Variants in BRINP1 observed in about 807,000 individuals in gnomAD.
BRINP1 encodes BMP/retinoic acid inducible neural specific 1.
BRINP1 carries 17 observed loss-of-function variants against 72.9 expected under a neutral mutation model. That is an observed-to-expected ratio of 0.23 (90% CI 0.16 to 0.35). BRINP1 has a LOEUF of 0.35. Among genes scored for constraint, BRINP1 ranks in the 10% least tolerant of loss-of-function variants. BRINP1 has a pLI of 1.00. For missense variants in BRINP1, 850 were observed against 1,001.6 expected, an observed-to-expected ratio of 0.85 and a Z score of 2.04; for synonymous variants, 418 against 378.5, an observed-to-expected ratio of 1.10 and a Z score of -1.21.
At chr9:119,338,798 T>C (rs1241218440) in intron 1 of BRINP1, among the ~76,000 whole-genome samples, 1 of 149,482 alleles carries the variant, frequency 6.7e-6, no homozygotes, top group Admixed American at 6.6e-5. Flanking sequence ...GGCAAGAGAA[T>C]GGTGCGAACC....
rs1830125186 is a variant in BRINP1 at position 119,229,315 on chromosome 9, T to G, written c.685+9340A>C. Among the ~76,000 whole-genome samples the G allele has an allele frequency of 1.3e-5, 2 of 152,094 alleles. 1 individual carries two copies. The highest frequency in any genetic ancestry group is 4.1e-4 in the South Asian group (2 of 4,826). On this transcript the variant is annotated intron_variant, in intron 5 of 7. Transcript: ENST00000265922. ...AGAGGTGGTAAAAATAATACCTAAC[T>G]TTTTTTAATGCTTAATCTAAGCCAG...
chr9:119,218,746 A>ATT (rs10685419), intron 5 of BRINP1, among the ~76,000 whole-genome samples: 5,451 of 133,336 alleles, frequency 0.041, 394 homozygotes, highest in African/African-American at 0.14. Flanking sequence ...AAACTCAGGG[A>ATT]TTTTTTTTTT....
At chr9:119,280,153 A>C (rs2118961092) in intron 2 of BRINP1, among the ~76,000 whole-genome samples, 1 of 152,360 alleles carries the variant, frequency 6.6e-6, no homozygotes, top group South Asian at 2.1e-4. Flanking sequence ...CAGGAAATTC[A>C]TGTTAGATAT....
At chr9:119,353,822 C>CTTT (rs138900910) in intron 1 of BRINP1, among the ~76,000 whole-genome samples, 29 of 30,956 alleles carry the variant, frequency 9.4e-4, no homozygotes, top group Admixed American at 1.6e-3. Flanking sequence ...GTTTTGAGCA[C>CTTT]TTTTTTTTTT....
At chr9:119,181,311 C>T (rs1328354864) in intron 7 of BRINP1, among the ~76,000 whole-genome samples, 1 of 152,150 alleles carries the variant, frequency 6.6e-6, no homozygotes, top group East Asian at 1.9e-4. Flanking sequence ...CAATAATGGT[C>T]ATCTAGATCT....
At chr9:119,236,962 A>C (rs1830197783) in intron 5 of BRINP1, among the ~76,000 whole-genome samples, 1 of 152,200 alleles carries the variant, frequency 6.6e-6, no homozygotes, top group Non-Finnish European at 1.5e-5. Context: ...CACTGCCCTC[A>C]AGTGACACTA....
chr9:119,255,957 A>C (rs1830443193), intron 2 of BRINP1, among the ~76,000 whole-genome samples: 3 of 13,348 alleles, frequency 2.2e-4, no homozygotes, highest in East Asian at 0.015. Flanking sequence ...TCCAGCTCAA[A>C]AAAAAAAAAA....
At chr9:119,293,135 G>GTAT (rs1038748849) in intron 2 of BRINP1, among the ~76,000 whole-genome samples, 3 of 151,998 alleles carry the variant, frequency 2.0e-5, no homozygotes, top group Admixed American at 2.0e-4. Flanking sequence ...ACATTGTGTG[G>GTAT]TATAAATGAT....
At chr9:119,331,562 G>A (rs949592541) in intron 1 of BRINP1, among the ~76,000 whole-genome samples, 1 of 152,148 alleles carries the variant, frequency 6.6e-6, no homozygotes, top group Non-Finnish European at 1.5e-5. Context: ...TACTGGTTTG[G>A]GGGTGTTCCT....
chr9:119,276,940 A>C (rs1307807282), intron 2 of BRINP1, among the ~76,000 whole-genome samples: 2 of 152,192 alleles, frequency 1.3e-5, no homozygotes, highest in East Asian at 3.8e-4. Context: ...AGAGTAAAGA[A>C]CAGCTCCATC....
intron 1 of BRINP1, among the ~76,000 whole-genome samples, chr9:119,337,698 T>G (rs1349428669): frequency 1.3e-5 from 2 of 152,258 alleles, no homozygotes. Flanking sequence ...TTGGGAAACT[T>G]ACTGCTGTCT....
chr9:119,334,107 G>A (rs1359682140), intron 1 of BRINP1, among the ~76,000 whole-genome samples: 1 of 152,204 alleles, frequency 6.6e-6, no homozygotes. Flanking sequence ...CCAGCACACA[G>A]GAGGTAGTTA....
rs1829955530 is a variant in BRINP1 at position 119,214,090 on chromosome 9, T to C, written c.751A>G (p.Met251Val). Residue 251 changes from methionine (M) to valine (V), a missense_variant, in exon 6 of 8, where the codon ATG becomes GTG. Coordinates refer to ENST00000265922, the MANE Select transcript of BRINP1 (RefSeq NM_014618.3). ...AGGTACTCCCCCTCCCCATTGCACA[T>C]GATATAGCTCAAGGCCGACTGGACA... ...KFVQSALSYI[M>V]CNGEGEYLCQ... 6.2e-7 allele frequency: 1 copy of C among 1,614,082 alleles called. No individual in the cohort carries two copies. Among genetic ancestry groups the C allele is most frequent in the Non-Finnish European group, 8.5e-7 (1 of 1,179,998 alleles).
chr9:119,367,170 ATC>A (rs1197068997), intron 1 of BRINP1, among the ~76,000 whole-genome samples: 1 of 128,874 alleles, frequency 7.8e-6, no homozygotes, highest in African/African-American at 3.0e-5. Flanking sequence ...GTTTGCTTTT[ATC>A]TCTCCCCAGA....
In BRINP1 at chr9:119,168,073, T is replaced by G. The variant is rs367920075; in HGVS notation, c.1297A>C (p.Asn433His). The change falls in exon 8 of 8, where the codon AAC (asparagine) becomes CAC (histidine). Residue 433 changes from asparagine to histidine, a missense_variant. Asn to His is a moderately conservative substitution (Grantham distance 68, BLOSUM62 1). Transcript: ENST00000265922. ...AGGCTGCACATGGCGCAGCTGTTGT[T>G]CCCGCCTATCACGCAGGGGATGGGG... ...QRPIPCVIGG[N>H]NSCAMCSLAN... The G allele has an allele frequency of 6.2e-6, 10 of 1,609,784 alleles. No individual in the cohort carries two copies. The highest frequency in any genetic ancestry group is 8.5e-6 in the Non-Finnish European group (10 of 1,177,478).
chr9:119,232,641 A>T (rs571705652), intron 5 of BRINP1, among the ~76,000 whole-genome samples: 1 of 152,192 alleles, frequency 6.6e-6, no homozygotes, highest in Non-Finnish European at 1.5e-5. Context: ...CTTTAAAAAC[A>T]TACCTGACCA....
At chr9:119,317,584 G>T (rs1831137673) in intron 1 of BRINP1, among the ~76,000 whole-genome samples, 1 of 152,174 alleles carries the variant, frequency 6.6e-6, no homozygotes, top group Non-Finnish European at 1.5e-5. Flanking sequence ...TAAAACAGTG[G>T]CAAGATTTGA....
At chr9:119,312,917 T>A (rs1455911608) in intron 2 of BRINP1, among the ~76,000 whole-genome samples, 2 of 152,156 alleles carry the variant, frequency 1.3e-5, no homozygotes, top group East Asian at 3.8e-4. Context: ...CTGCCCAGCA[T>A]ATAAATAAGT....
intron 1 of BRINP1, among the ~76,000 whole-genome samples, chr9:119,329,557 C>T (rs1202911902): frequency 6.6e-6 from 1 of 152,186 alleles, no homozygotes; most frequent in African/African-American, 2.4e-5. Flanking sequence ...TCTTCCCACT[C>T]TCTCAAGGTT....
Sources: allele counts gnomAD v4.1 joint callset (sites outside exome capture counted in the v4.1 genomes callset), GRCh38; gene constraint gnomAD v4.1.1; transcripts MANE v1.5; gene names NCBI Gene and HGNC (gene_info 2026-07-23, HGNC 2026-07-21).